ITCH: variants seen among roughly 807,000 people sequenced by gnomAD.
The protein encoded by ITCH is itchy E3 ubiquitin protein ligase.
A neutral mutation model predicts 126.8 loss-of-function variants in ITCH; 28 were observed. The ratio of observed to expected loss-of-function variants is 0.22; its 90% CI spans 0.16 to 0.30. The LOEUF is 0.30. Ranked by LOEUF, ITCH falls within the 10% of genes least tolerant of loss-of-function variation. The pLI is 1.00. For missense variants in ITCH, 631 were observed against 1,032.4 expected (o/e 0.61, Z 5.33); for synonymous variants, 342 against 340.0 (o/e 1.01, Z -0.06).
rs1978774633 is a variant in ITCH, at chr20:34,511,229, T to C, written c.*3435T>C. ...CAGCACTGGATTGTATATTACTGTA[T>C]TAAGAGTACCTTTGTTTTCTTGATC... On this transcript the variant is annotated 3_prime_UTR_variant, in exon 25 of 25. Coordinates refer to ENST00000374864, the MANE Select transcript of ITCH (RefSeq NM_031483.7). 6.6e-6 allele frequency: 1 copy of C among 152,252 alleles called. No homozygotes were observed. Among genetic ancestry groups the C allele is most frequent in the African/African-American group, 2.4e-5 (1 of 41,460 alleles). 9.4% of individuals were successfully genotyped at this position (152,252 alleles called of 1,614,324 possible). A position where few individuals can be genotyped will look rare whatever the true frequency, so the allele number is the denominator to read the frequency against.
chr20:34,457,623 T>C, intron 13 of ITCH, 149 bp downstream of exon 13: 1 of 660,726 alleles, frequency 1.5e-6, no homozygotes, highest in Non-Finnish European at 2.7e-6. Flanking sequence ...ATACTATTAT[T>C]TTCATCTAAT....
intron 14 of ITCH, among the ~76,000 whole-genome samples, chr20:34,463,151 T>G (rs1178716572): frequency 6.6e-6 from 1 of 152,196 alleles, no homozygotes; most frequent in Non-Finnish European, 1.5e-5. Context: ...TCACCTGATA[T>G]CAGGAGTTGG....
chr20:34,467,678 A>AT (rs147009659), intron 14 of ITCH, among the ~76,000 whole-genome samples: 3,276 of 97,962 alleles, frequency 0.033, 74 homozygotes, highest in African/African-American at 0.044. Flanking sequence ...TTTCTTTTTC[A>AT]TTTTTTTTTT....
intron 2 of ITCH, among the ~76,000 whole-genome samples, chr20:34,390,699 C>T (rs1436717039): frequency 2.6e-5 from 4 of 151,764 alleles, no homozygotes; most frequent in Non-Finnish European, 5.9e-5. Context: ...ATCCACCTAC[C>T]TTAGCCTCCC....
chr20:34,422,719 C>A (rs905240989), intron 6 of ITCH, among the ~76,000 whole-genome samples: 2 of 152,048 alleles, frequency 1.3e-5, no homozygotes, highest in Non-Finnish European at 2.9e-5. Context: ...ACATTTTTAT[C>A]CCCTCAGTAA....
At chr20:34,415,909 GTCA>G (rs1979765978) in intron 6 of ITCH, among the ~76,000 whole-genome samples, 1 of 148,368 alleles carries the variant, frequency 6.7e-6, no homozygotes, top group Non-Finnish European at 1.5e-5. Flanking sequence ...TGATCACGAG[GTCA>G]GGAGTTTGAG....
chr20:34,372,451 G>T (rs1568853685), intron 2 of ITCH, among the ~76,000 whole-genome samples: 1 of 138,602 alleles, frequency 7.2e-6, no homozygotes, highest in Non-Finnish European at 1.5e-5. Flanking sequence ...CGCAATCTCA[G>T]CTCACTGCAA....
Position 34,469,222 on chromosome 20 carries a change from AACACAC to A in ITCH, c.1425-803_1425-798del, listed in dbSNP as rs34998924. Among the ~76,000 whole-genome samples the A allele has an allele frequency of 1.2e-3, 179 of 149,098 alleles. 1 individual carries two copies. The highest frequency in any genetic ancestry group is 3.1e-3 in the African/African-American group (124 of 40,652). On this transcript the variant is annotated intron_variant, in intron 14 of 24. Coordinates refer to ENST00000374864, the MANE Select transcript of ITCH (RefSeq NM_031483.7). Reference sequence around the variant, plus strand: ...GAATTTGGAGGAAGGGCAAATTATAAACACACACACACACACACACACACACACTCA... The same window carrying A: ...GAATTTGGAGGAAGGGCAAATTATAAACACACACACACACACACACACTCA...
At chr20:34,402,822 A>G (rs1184724303) in intron 3 of ITCH, 1 of 178,226 alleles carries the variant, frequency 5.6e-6, no homozygotes, top group Non-Finnish European at 1.2e-5. Flanking sequence ...ATTGGGCAAA[A>G]TAAGGAAACT....
intron 12 of ITCH, among the ~76,000 whole-genome samples, chr20:34,456,206 ATATATATATTTTTTT>A (rs1260292548): frequency 7.6e-4 from 24 of 31,610 alleles, no homozygotes; most frequent in South Asian, 2.9e-3. Context: ...ATATATATAT[ATATATATATTTTTTT>A]TTTTTTTTTT....
At chr20:34,461,606 G>A (rs1470675686) in intron 13 of ITCH, among the ~76,000 whole-genome samples, 2 of 151,608 alleles carry the variant, frequency 1.3e-5, no homozygotes, top group Admixed American at 1.3e-4. Context: ...TCCCAGCTGA[G>A]GCTGAGGCAG....
chr20:34,449,374 G>A (rs774622276), intron 11 of ITCH, 37 bp from the exon 12 acceptor site: 38 of 1,278,148 alleles, frequency 3.0e-5, no homozygotes, highest in Non-Finnish European at 4.2e-5. Context: ...AAGTTGTTAA[G>A]TTGTTAATAG....
chr20:34,380,605 C>CTTT (rs35848431), intron 2 of ITCH, among the ~76,000 whole-genome samples: 59 of 69,248 alleles, frequency 8.5e-4, no homozygotes, highest in East Asian at 1.0e-3. Context: ...TTAATGATGT[C>CTTT]TTTTTTTTTT....
intron 16 of ITCH, chr20:34,476,266 T>C (rs562559261): frequency 2.4e-6 from 2 of 828,108 alleles, no homozygotes; most frequent in East Asian, 2.4e-5. Context: ...GTTTATAAAG[T>C]GGACTGTCAC....
At chr20:34,495,505 C>T (rs1373095273) in intron 23 of ITCH, among the ~76,000 whole-genome samples, 1 of 151,866 alleles carries the variant, frequency 6.6e-6, no homozygotes, top group Non-Finnish European at 1.5e-5. Context: ...ATGAGATCGG[C>T]TTTCTTAGCT....
At chr20:34,396,654 A>G (rs2038687952) in intron 3 of ITCH, among the ~76,000 whole-genome samples, 2 of 151,998 alleles carry the variant, frequency 1.3e-5, no homozygotes, top group African/African-American at 4.8e-5. Flanking sequence ...GACTACAGGC[A>G]TGCACCACCC....
At chr20:34,443,515 A>C (rs934652499) in intron 10 of ITCH, among the ~76,000 whole-genome samples, 5 of 152,096 alleles carry the variant, frequency 3.3e-5, no homozygotes, top group Non-Finnish European at 7.4e-5. Flanking sequence ...AAAAAAAAAA[A>C]TCATATAAAA....
intron 20 of ITCH, among the ~76,000 whole-genome samples, chr20:34,482,788 A>G (rs944164319): frequency 6.6e-6 from 1 of 152,112 alleles, no homozygotes; most frequent in African/African-American, 2.4e-5. Flanking sequence ...GGGACTCTGT[A>G]TGGGCCTCCA....
intron 11 of ITCH, among the ~76,000 whole-genome samples, chr20:34,448,669 T>C (rs754036238): frequency 3.3e-5 from 5 of 152,158 alleles, no homozygotes; most frequent in Non-Finnish European, 7.3e-5. Flanking sequence ...AAGAAAGGGT[T>C]TAACCAAATC....
Sources: gnomAD v4.1 joint callset for allele counts (sites outside exome capture counted in the v4.1 genomes callset) on GRCh38, gnomAD v4.1.1 for gene constraint, MANE v1.5 for transcripts, NCBI Gene and HGNC (gene_info 2026-07-23, HGNC 2026-07-21) for gene names.